Variants in GRM8 observed in about 807,000 individuals in gnomAD.
The protein encoded by GRM8 is glutamate metabotropic receptor 8, also known as metabotropic glutamate receptor 8.
GRM8 carries 47 observed loss-of-function variants against 87.2 expected under a neutral mutation model. The ratio of observed to expected loss-of-function variants is 0.54; its 90% CI spans 0.43 to 0.69. GRM8 has a LOEUF of 0.69. Ranked by LOEUF, GRM8 falls within the 30% of genes least tolerant of loss-of-function variation. The pLI is 0.00. For synonymous variants in GRM8, 396 were observed against 404.5 expected (o/e 0.98, Z 0.25); for missense variants, 1,019 against 1,139.2 (o/e 0.89, Z 1.52).
At chr7:126,587,122 A>G (rs1585134461) in intron 8 of GRM8, among the ~76,000 whole-genome samples, 2 of 152,194 alleles carry the variant, frequency 1.3e-5, no homozygotes, top group South Asian at 2.1e-4. Flanking sequence ...CAAAACCACA[A>G]TGAGATACCA....
chr7:126,788,113 A>C (rs1174031975), intron 6 of GRM8, among the ~76,000 whole-genome samples: 1 of 152,024 alleles, frequency 6.6e-6, no homozygotes, highest in Non-Finnish European at 1.5e-5. Flanking sequence ...GTAGATTTCT[A>C]TCATTAAAAC....
rs17864965 is a variant in GRM8 at position 127,227,480 on chromosome 7, C to G, written c.510+15215G>C. Among the ~76,000 whole-genome samples, 31 of 152,288 alleles carry G rather than the reference C, an allele frequency of 2.0e-4. No individual in the cohort carries two copies. The East Asian group carries it at 5.8e-3, about 28-fold the overall frequency. On this transcript the variant is annotated intron_variant, in intron 2 of 10. Transcript: ENST00000339582. ...AAATATGTTCATTTTATCAACTCAT[C>G]ATTTGATCTAGAGCTTGATCTCATG...
chr7:127,110,359 C>T (rs17865511), intron 2 of GRM8, among the ~76,000 whole-genome samples: 1,979 of 152,292 alleles, frequency 0.013, 35 homozygotes, highest in African/African-American at 0.045. Context: ...CCTTCTCTAG[C>T]CACCTGCCCT....
chr7:126,625,739 A>G (rs1267735933), intron 7 of GRM8, among the ~76,000 whole-genome samples: 2 of 152,186 alleles, frequency 1.3e-5, no homozygotes, highest in Non-Finnish European at 2.9e-5. Context: ...CAGATGAATT[A>G]GGAGGTTTAA....
intron 6 of GRM8, among the ~76,000 whole-genome samples, chr7:126,791,127 G>A (rs1019020186): frequency 1.3e-5 from 2 of 152,114 alleles, no homozygotes; most frequent in African/African-American, 4.8e-5. Context: ...GTGCAATAAT[G>A]ACTTGTACAT....
intron 6 of GRM8, among the ~76,000 whole-genome samples, chr7:126,873,132 C>G (rs1799244268): frequency 6.6e-6 from 1 of 152,068 alleles, no homozygotes; most frequent in African/African-American, 2.4e-5. Flanking sequence ...GTTACTATTG[C>G]TTCACCTTTG....
At chr7:127,109,643 G>A (rs188968538) in intron 2 of GRM8, among the ~76,000 whole-genome samples, 15 of 152,190 alleles carry the variant, frequency 9.9e-5, no homozygotes, top group East Asian at 5.8e-4. Context: ...CAAAGCCTCC[G>A]CCATCTAACA....
rs115192901 is a variant in GRM8 at position 127,186,391 on chromosome 7, T to G, written c.510+56304A>C. ...AGCAGTCTGGCCTTTATGGTCTACA[T>G]TAAGGGATCCCTTCACTCTGGCGTC... On this transcript the variant is annotated intron_variant, in intron 2 of 10. Transcript: ENST00000339582. 2.6e-3 allele frequency among the ~76,000 whole-genome samples: 398 copies of G among 152,260 alleles called. 1 individual carries two copies. Among genetic ancestry groups the G allele is most frequent in the African/African-American group, 8.5e-3 (353 of 41,562 alleles).
chr7:127,218,230 G>A (rs1026952887), intron 2 of GRM8, among the ~76,000 whole-genome samples: 1 of 152,232 alleles, frequency 6.6e-6, no homozygotes, highest in Non-Finnish European at 1.5e-5. Context: ...ATTTGTCCCA[G>A]GCTTCTGACT....
intron 7 of GRM8, among the ~76,000 whole-genome samples, chr7:126,736,134 G>C (rs1182821511): frequency 6.6e-6 from 1 of 151,950 alleles, no homozygotes; most frequent in Non-Finnish European, 1.5e-5. Context: ...AACACCAACA[G>C]CAATTCTGTG....
chr7:126,860,304 T>G (rs2130806149), intron 6 of GRM8, among the ~76,000 whole-genome samples: 1 of 152,292 alleles, frequency 6.6e-6, no homozygotes, highest in African/African-American at 2.4e-5. Flanking sequence ...TTGCTACTTT[T>G]ATCCAAGCCA....
chr7:127,006,658 G>C (rs1245191667), intron 3 of GRM8, among the ~76,000 whole-genome samples: 1 of 152,042 alleles, frequency 6.6e-6, no homozygotes, highest in Non-Finnish European at 1.5e-5. Context: ...CCTGTGAAGA[G>C]TGCTTTACTG....
At chr7:126,841,146 C>A (rs917473539) in intron 6 of GRM8, among the ~76,000 whole-genome samples, 4 of 152,280 alleles carry the variant, frequency 2.6e-5, no homozygotes, top group African/African-American at 9.6e-5. Context: ...ACAAAATAAC[C>A]CCCAAATTTT....
At chr7:127,092,444 C>T (rs550799162) in intron 3 of GRM8, among the ~76,000 whole-genome samples, 1 of 152,244 alleles carries the variant, frequency 6.6e-6, no homozygotes, top group African/African-American at 2.4e-5. Context: ...GCCTATAATC[C>T]CAGCACTTCA....
At chr7:127,053,809 A>G (rs2402850) in intron 3 of GRM8, among the ~76,000 whole-genome samples, 28 of 102,928 alleles carry the variant, frequency 2.7e-4, no homozygotes, top group African/African-American at 8.2e-4. Flanking sequence ...GGGGGGGGGG[A>G]ATATACATTT....
Position 126,490,555 on chromosome 7 carries a change from G to A in GRM8, c.2430+42397C>T, listed in dbSNP as rs192543745. 1.2e-4 allele frequency among the ~76,000 whole-genome samples: 19 copies of A among 152,134 alleles called. No homozygotes were observed. In the East Asian group the frequency reaches 2.1e-3, roughly 17 times the overall value. On this transcript the variant is annotated intron_variant, in intron 9 of 10. Coordinates refer to ENST00000339582, the MANE Select transcript of GRM8 (RefSeq NM_000845.3). ...ACAAGAACTATGCCAATGGACAAAC[G>A]TTCTAGCCTCCTATTATTCAGATGG... is the stretch of plus-strand genomic sequence containing the variant.
At chr7:126,703,569 T>C (rs1010554137) in intron 7 of GRM8, among the ~76,000 whole-genome samples, 2 of 152,174 alleles carry the variant, frequency 1.3e-5, no homozygotes, top group African/African-American at 4.8e-5. Flanking sequence ...AGCACCTTTT[T>C]CGTTTTTTAT....
intron 7 of GRM8, among the ~76,000 whole-genome samples, chr7:126,727,303 A>G (rs1226554883): frequency 1.3e-5 from 2 of 152,074 alleles, no homozygotes; most frequent in Non-Finnish European, 2.9e-5. Flanking sequence ...GATCATTGAC[A>G]TTCATATATT....
At chr7:127,127,085 T>C (rs1246877187) in intron 2 of GRM8, among the ~76,000 whole-genome samples, 1 of 152,060 alleles carries the variant, frequency 6.6e-6, no homozygotes, top group African/African-American at 2.4e-5. Context: ...AGGGCAATGA[T>C]GTGAAGCAAC....
Sources: allele counts gnomAD v4.1 joint callset (sites outside exome capture counted in the v4.1 genomes callset), GRCh38; gene constraint gnomAD v4.1.1; transcripts MANE v1.5; gene names NCBI Gene and HGNC (gene_info 2026-07-23, HGNC 2026-07-21).